The following RALYL variants were observed in gnomAD, a reference collection of about 807,000 sequenced individuals.
The protein encoded by RALYL is RALY RNA binding protein like.
A neutral mutation model predicts 35.1 loss-of-function variants in RALYL; 29 were observed. The observed-to-expected ratio is 0.83, with a 90% CI of 0.61 to 1.13. The LOEUF (loss-of-function observed/expected upper bound fraction) is 1.13, where lower values mean the gene tolerates loss of function less well. Ranked by LOEUF, RALYL falls within the 50% of genes most tolerant of loss-of-function variation. The pLI, the probability that RALYL is intolerant of heterozygous loss-of-function variation, is 0.00. For missense variants in RALYL, 359 were observed against 360.4 expected (o/e 1.00, Z 0.03); for synonymous variants, 120 against 127.6 (o/e 0.94, Z 0.40).
Position 84,680,406 on chromosome 8 carries a change from A to G in RALYL, c.257-94173A>G, listed in dbSNP as rs544924080. 4.6e-5 allele frequency among the ~76,000 whole-genome samples: 7 copies of G among 152,260 alleles called. No homozygotes were observed. In the South Asian group the frequency reaches 1.4e-3, roughly 32 times the overall value. Reference sequence around the variant, plus strand: ...GGTCAAATGGTATTTCTAGTACTAGATCCCTGAGGAATCGCCACACTGACT... The same window carrying G: ...GGTCAAATGGTATTTCTAGTACTAGGTCCCTGAGGAATCGCCACACTGACT... On this transcript the variant is annotated intron_variant, in intron 2 of 8. Transcript: ENST00000521268.
At chr8:84,838,756 T>C (rs893210852) in intron 4 of RALYL, among the ~76,000 whole-genome samples, 8 of 152,294 alleles carry the variant, frequency 5.3e-5, no homozygotes, top group African/African-American at 1.9e-4. Context: ...TAAAAATGAA[T>C]TTTCTTTTCC....
chr8:84,608,436 T>A lies in RALYL; in HGVS notation c.256+78859T>A, dbSNP rs113237082. The stretch of plus-strand genomic sequence containing the variant: ...TTCCCAGGAAACATTTGAGTGGAGA[T>A]GCGATTGCTGTTTTGTCAGCTTTTT... On this transcript the variant is annotated intron_variant, in intron 2 of 8. Transcript: ENST00000521268. Among the ~76,000 whole-genome samples, 605 of 152,216 alleles carry A rather than the reference T, an allele frequency of 4.0e-3. 5 individuals are homozygous for A. Among genetic ancestry groups the A allele is most frequent in the African/African-American group, 0.014 (586 of 41,550 alleles).
At chr8:84,421,991 T>A (rs909746355) in intron 1 of RALYL, among the ~76,000 whole-genome samples, 7 of 152,092 alleles carry the variant, frequency 4.6e-5, no homozygotes, top group African/African-American at 7.2e-5. Context: ...TTCATCAAGG[T>A]TATTGGTCTA....
chr8:84,364,949 G>T (rs950807830), intron 1 of RALYL, among the ~76,000 whole-genome samples: 18 of 152,002 alleles, frequency 1.2e-4, no homozygotes, highest in Admixed American at 1.0e-3. Flanking sequence ...AAATAGTTTT[G>T]AATTTTTTTT....
At chr8:84,224,119 C>G (rs531074081) in intron 1 of RALYL, among the ~76,000 whole-genome samples, 25 of 152,306 alleles carry the variant, frequency 1.6e-4, no homozygotes, top group Admixed American at 1.6e-3. Context: ...ACCGTTGGCA[C>G]TGTGCTTACT....
rs192158589 is a variant in RALYL at position 84,356,558 on chromosome 8, A to G, written c.-24+172134A>G. Among the ~76,000 whole-genome samples the G allele has an allele frequency of 4.3e-4, 64 of 150,148 alleles. 1 individual carries two copies. The East Asian group carries it at 0.012, about 28-fold the overall frequency. ...CTCCTCTTGTTCTTATCCCTTTTAT[A>G]ATAAGCAAATTTTTTACCTCCAAGA... On this transcript the variant is annotated intron_variant, in intron 1 of 8. Coordinates refer to ENST00000521268, the MANE Select transcript of RALYL (RefSeq NM_173848.7).
At chr8:84,704,477 AC>A (rs1840804643) in intron 2 of RALYL, among the ~76,000 whole-genome samples, 2 of 133,242 alleles carry the variant, frequency 1.5e-5, no homozygotes, top group African/African-American at 6.5e-5. Context: ...ACACACACAC[AC>A]ACACAACAAC....
intron 1 of RALYL, among the ~76,000 whole-genome samples, chr8:84,413,108 A>ATACT (rs199523171): frequency 0.031 from 4,625 of 150,214 alleles, 233 homozygotes; most frequent in African/African-American, 0.11. Context: ...TACTAATTAA[A>ATACT]AACTATATAA....
At chr8:84,887,291 T>C (rs1214832711) in intron 7 of RALYL, among the ~76,000 whole-genome samples, 3 of 152,172 alleles carry the variant, frequency 2.0e-5, no homozygotes, top group Non-Finnish European at 4.4e-5. Context: ...GAAAGCACTA[T>C]ATATAAAATA....
rs766785304 is a variant in RALYL, at chr8:84,862,334, G to A, written c.452G>A (p.Arg151His). Residue 151 changes from arginine (R) to histidine (H), a missense_variant, in exon 6 of 9, where the codon CGT becomes CAT. By Grantham distance (29) the Arg-to-His change is conservative. Coordinates refer to ENST00000521268, the MANE Select transcript of RALYL (RefSeq NM_173848.7). ...CACGGGCGTGTGCCTCCACCTCCCC[G>A]TGCAGTAATTCCGCTGAAGCGTCCC... Reference protein sequence around the residue: ...DYHGRVPPPPRAVIPLKRPRV... With the variant: ...DYHGRVPPPPHAVIPLKRPRV... 59 of 1,599,514 alleles carry A rather than the reference G, an allele frequency of 3.7e-5. No individual in the cohort carries two copies. The East Asian group carries it at 5.3e-4, about 14-fold the overall frequency.
chr8:84,343,964 G>A (rs1242911759), intron 1 of RALYL, among the ~76,000 whole-genome samples: 4 of 151,680 alleles, frequency 2.6e-5, no homozygotes, highest in South Asian at 2.1e-4. Context: ...TATGACCTGC[G>A]GTGATATATG....
intron 1 of RALYL, among the ~76,000 whole-genome samples, chr8:84,238,013 GA>G (rs1554584056): frequency 0.13 from 15,256 of 113,676 alleles, 1,006 homozygotes; most frequent in East Asian, 0.32. Context: ...CAAAACAAAA[GA>G]AAAAAAACAC....
intron 2 of RALYL, among the ~76,000 whole-genome samples, chr8:84,596,461 A>G (rs1489196680): frequency 1.3e-5 from 2 of 152,158 alleles, no homozygotes; most frequent in Non-Finnish European, 2.9e-5. Flanking sequence ...CAGGGTTAAG[A>G]GAAACCATCT....
At chr8:84,516,071 A>G (rs928455978) in intron 1 of RALYL, among the ~76,000 whole-genome samples, 1 of 152,032 alleles carries the variant, frequency 6.6e-6, no homozygotes, top group African/African-American at 2.4e-5. Flanking sequence ...GTGGGGATAT[A>G]GTTAATTCAA....
At chr8:84,402,432 A>G (rs558402114) in intron 1 of RALYL, among the ~76,000 whole-genome samples, 1 of 152,236 alleles carries the variant, frequency 6.6e-6, no homozygotes, top group East Asian at 1.9e-4. Flanking sequence ...GATGATAATA[A>G]TGGTGTTCTA....
chr8:84,184,866 G>C, intron 1 of RALYL: 1 of 1,071,466 alleles, frequency 9.3e-7, no homozygotes, highest in Non-Finnish European at 1.4e-6. Context: ...GGGAGATGGG[G>C]GTAGAAGCGG....
chr8:84,349,168 T>G (rs537440475), intron 1 of RALYL, among the ~76,000 whole-genome samples: 1 of 150,310 alleles, frequency 6.7e-6, no homozygotes, highest in South Asian at 2.1e-4. Context: ...CAGACCACAC[T>G]TAGAACTAGA....
chr8:84,324,447 C>T (rs1845430519), intron 1 of RALYL, among the ~76,000 whole-genome samples: 1 of 151,954 alleles, frequency 6.6e-6, no homozygotes, highest in Non-Finnish European at 1.5e-5. Flanking sequence ...TTAGAACCAA[C>T]CTCGTGGAGT....
intron 2 of RALYL, among the ~76,000 whole-genome samples, chr8:84,710,945 A>T (rs899358163): frequency 6.6e-6 from 1 of 152,208 alleles, no homozygotes; most frequent in South Asian, 2.1e-4. Context: ...ATGGAGAAAA[A>T]TAAAGCAAGT....
Sources: gnomAD v4.1 joint callset for allele counts (sites outside exome capture counted in the v4.1 genomes callset) on GRCh38, gnomAD v4.1.1 for gene constraint, MANE v1.5 for transcripts, NCBI Gene and HGNC (gene_info 2026-07-23, HGNC 2026-07-21) for gene names.